The following VAV1 variants were observed in gnomAD, a reference collection of about 807,000 sequenced individuals.
VAV1 encodes the protein proto-oncogene vav.
In VAV1, 33 loss-of-function variants were observed where a neutral mutation model predicts 128.1. The ratio of observed to expected loss-of-function variants is 0.26; its 90% CI spans 0.20 to 0.34. VAV1 has a LOEUF of 0.34. Among genes scored for constraint, VAV1 ranks in the 10% least tolerant of loss-of-function variants. VAV1 has a pLI of 1.00. For missense variants in VAV1, 715 were observed against 1,093.7 expected (o/e 0.65, Z 4.88); for synonymous variants, 394 against 409.8 (o/e 0.96, Z 0.47).
intron 21 of VAV1, among the ~76,000 whole-genome samples, chr19:6,840,269 C>A (rs1028245901): frequency 1.3e-5 from 2 of 151,462 alleles, no homozygotes; most frequent in African/African-American, 2.4e-5. Flanking sequence ...ATTCAAGGCT[C>A]ATCCATGTTG....
chr19:6,837,661 A>G (rs764625433), intron 21 of VAV1, among the ~76,000 whole-genome samples: 21 of 152,132 alleles, frequency 1.4e-4, no homozygotes, highest in Non-Finnish European at 2.6e-4. Context: ...AGAATAATGC[A>G]AAGAGCTCCT....
chr19:6,828,369 A>C lies in VAV1; in HGVS notation c.1024-50A>C, dbSNP rs1346290178. On this transcript the variant is annotated intron_variant, in intron 10 of 26. Transcript: ENST00000602142. The surrounding 1 kb of genome is among the most constrained non-coding windows in gnomAD (Gnocchi z 4.5). ...GCATTGTTTGGAAGGCCCTCCCCGCAGGGAGAAGGGGAGGGGCCCAGGTGA... is the reference window on the plus strand; with the variant it reads ...GCATTGTTTGGAAGGCCCTCCCCGCCGGGAGAAGGGGAGGGGCCCAGGTGA... 2 of 1,599,162 alleles carry C rather than the reference A, an allele frequency of 1.3e-6. No homozygotes were observed. Among genetic ancestry groups the C allele is most frequent in the Non-Finnish European group, 1.7e-6 (2 of 1,166,982 alleles).
intron 1 of VAV1, among the ~76,000 whole-genome samples, chr19:6,776,520 TCATC>T (rs367861307): frequency 0.2 from 12,824 of 62,682 alleles, 654 homozygotes; most frequent in Non-Finnish European, 0.22. Flanking sequence ...ATCCATCCTC[TCATC>T]CATCCATCCA....
At chr19:6,805,285 T>C (rs905674296) in intron 1 of VAV1, among the ~76,000 whole-genome samples, 8 of 150,198 alleles carry the variant, frequency 5.3e-5, no homozygotes, top group Non-Finnish European at 8.9e-5. Context: ...ATTAGCTGGG[T>C]ATGGTGGCAC....
intron 1 of VAV1, among the ~76,000 whole-genome samples, chr19:6,797,431 A>G (rs531952777): frequency 1.3e-5 from 2 of 151,826 alleles, no homozygotes; most frequent in Non-Finnish European, 2.9e-5. Context: ...GGCCGGGCAC[A>G]GTGGCTCATG....
In VAV1 at chr19:6,836,522, A is replaced by T. The variant is rs1347441521; in HGVS notation, c.1868A>T (p.Asp623Val). 6.2e-7 allele frequency: 1 copy of T among 1,613,802 alleles called. No individual in the cohort carries two copies. Among genetic ancestry groups the T allele is most frequent in the Non-Finnish European group, 8.5e-7 (1 of 1,179,990 alleles). ...IGPFLRLNPG[D>V]IVELTKAEAE... ...CCCTTTCTACGGCTCAACCCTGGAG[A>T]CATTGTGGAGCTCACGAAGGCTGAG... Residue 623 changes from aspartate (D) to valine (V), a missense_variant, in exon 20 of 27, where the codon GAC (aspartate) becomes GTC (valine). Coordinates refer to ENST00000602142, the MANE Select transcript of VAV1 (RefSeq NM_005428.4).
intron 23 of VAV1, among the ~76,000 whole-genome samples, chr19:6,849,857 C>A (rs10424474): frequency 3.9e-5 from 6 of 152,048 alleles, no homozygotes; most frequent in African/African-American, 1.5e-4. Context: ...CTGGGTCGAT[C>A]CATGTCTTTG....
intron 1 of VAV1, among the ~76,000 whole-genome samples, chr19:6,776,385 T>TCCATCCATCC (rs1970637446): frequency 1.7e-4 from 6 of 36,154 alleles, no homozygotes; most frequent in African/African-American, 5.9e-4. Flanking sequence ...TCCATCCATC[T>TCCATCCATCC]ACCCATCCAC....
intron 18 of VAV1, 22 bp downstream of exon 18, chr19:6,833,755 T>C (rs1004539210): frequency 1.2e-6 from 2 of 1,614,128 alleles, no homozygotes; most frequent in Admixed American, 1.7e-5. Flanking sequence ...CCGTGGTCCT[T>C]CCTGTGTACC....
intron 1 of VAV1, among the ~76,000 whole-genome samples, chr19:6,783,719 C>T (rs1012206419): frequency 2.0e-5 from 3 of 152,036 alleles, no homozygotes; most frequent in Admixed American, 6.6e-5. Flanking sequence ...CCACTCGCCT[C>T]GGCCTCCCAA....
At chr19:6,786,377 G>A (rs1033630663) in intron 1 of VAV1, among the ~76,000 whole-genome samples, 10 of 152,008 alleles carry the variant, frequency 6.6e-5, no homozygotes, top group African/African-American at 1.5e-4. Context: ...TGGGAGGATC[G>A]CTTGAGCCCA....
intron 1 of VAV1, among the ~76,000 whole-genome samples, chr19:6,819,713 G>A (rs1240026150): frequency 6.6e-6 from 1 of 152,156 alleles, no homozygotes; most frequent in African/African-American, 2.4e-5. Flanking sequence ...GAGAGTGTTG[G>A]GGGTTGTGGG....
At chr19:6,786,199 G>A (rs1970889199) in intron 1 of VAV1, among the ~76,000 whole-genome samples, 1 of 140,228 alleles carries the variant, frequency 7.1e-6, no homozygotes, top group Non-Finnish European at 1.5e-5. Flanking sequence ...CACATAGTAC[G>A]GAATCAATTA....
Position 6,820,914 on chromosome 19 carries a change from C to T in VAV1, c.321+96C>T, listed in dbSNP as rs189752830. 2.1e-4 allele frequency: 249 copies of T among 1,171,856 alleles called. No homozygotes were observed. Among genetic ancestry groups the T allele is most frequent in the South Asian group, 1.4e-3 (107 of 79,176 alleles). The allele number at this position is 1,171,856 out of a possible 1,614,324, so 72.6% of individuals were successfully genotyped here. ...TAAGGACTGTCAGGGGACAGGCAGACAAGCCAGACCAGGCCATATACAAGA... is the reference window on the plus strand; with the variant it reads ...TAAGGACTGTCAGGGGACAGGCAGATAAGCCAGACCAGGCCATATACAAGA... On this transcript the variant is annotated intron_variant, in intron 2 of 26. Transcript: ENST00000602142. This position sits in a 1 kb window ranked among gnomAD's most constrained non-coding sequence, Gnocchi z 4.4.
Position 6,817,362 on chromosome 19 carries a change from C to T in VAV1, c.205-3340C>T, listed in dbSNP as rs1416487703. Among the ~76,000 whole-genome samples, 3 of 151,912 alleles carry T rather than the reference C, an allele frequency of 2.0e-5. No homozygotes were observed. The East Asian group carries it at 5.8e-4, about 29-fold the overall frequency. ...TACAGGGATGAGTCATAGCACCCAG[C>T]CAAAAAATGCAAATATTGTTATGGT... On this transcript the variant is annotated intron_variant, in intron 1 of 26. Coordinates refer to ENST00000602142, the MANE Select transcript of VAV1 (RefSeq NM_005428.4).
chr19:6,776,094 A>G (rs899915968), intron 1 of VAV1, among the ~76,000 whole-genome samples: 2 of 143,770 alleles, frequency 1.4e-5, no homozygotes, highest in Admixed American at 6.7e-5. Context: ...CCATCCATCC[A>G]TCCATCCATC....
chr19:6,825,136 C>T lies in VAV1; in HGVS notation c.723+15C>T. The T allele has an allele frequency of 4.3e-6, 7 of 1,609,350 alleles. No homozygotes were observed. Among genetic ancestry groups the T allele is most frequent in the Non-Finnish European group, 5.9e-6 (7 of 1,178,190 alleles). On this transcript the variant is annotated intron_variant, in intron 7 of 26. Transcript: ENST00000602142. ...TCAACATTGAGGTGAGCCGGCCGATCCCCAGCCCTCTTGGGTCTGTCTAGT... is the reference window on the plus strand; with the variant it reads ...TCAACATTGAGGTGAGCCGGCCGATTCCCAGCCCTCTTGGGTCTGTCTAGT...
chr19:6,795,980 G>T (rs80220306), intron 1 of VAV1, among the ~76,000 whole-genome samples: 2,244 of 152,236 alleles, frequency 0.015, 24 homozygotes, highest in South Asian at 0.058. Flanking sequence ...ACCGCACCCG[G>T]CTAGTCCACT....
chr19:6,820,782 A>G lies in VAV1; in HGVS notation c.285A>G (p.Glu95=). ...KFGLKRSELF[E]AFDLFDVQDF... is the part of the protein sequence containing the mutation. ...GCCTCAAGCGGAGCGAGCTCTTCGAAGCCTTTGACCTCTTCGATGTGCAGG... is the reference window on the plus strand; with the variant it reads ...GCCTCAAGCGGAGCGAGCTCTTCGAGGCCTTTGACCTCTTCGATGTGCAGG... Residue 95 remains glutamate, a synonymous_variant, in exon 2 of 27, where the codon GAA becomes GAG. Transcript: ENST00000602142. This position sits in a 1 kb window ranked among gnomAD's most constrained non-coding sequence, Gnocchi z 4.4. 6.2e-7 allele frequency: 1 copy of G among 1,614,210 alleles called. No homozygotes were observed. Among genetic ancestry groups the G allele is most frequent in the Non-Finnish European group, 8.5e-7 (1 of 1,180,026 alleles).
Sources: gnomAD v4.1 joint callset for allele counts (sites outside exome capture counted in the v4.1 genomes callset) on GRCh38, gnomAD v4.1.1 for gene constraint, Gnocchi (gnomAD v3.1) non-coding constraint, MANE v1.5 for transcripts, NCBI Gene and HGNC (gene_info 2026-07-23, HGNC 2026-07-21) for gene names.